The following LUZP2 variants were observed in gnomAD, a reference collection of about 807,000 sequenced individuals.
LUZP2 encodes the protein leucine zipper protein 2.
In LUZP2, 52 loss-of-function variants were observed where a neutral mutation model predicts 51.6. The ratio of observed to expected loss-of-function variants is 1.01; its 90% CI spans 0.81 to 1.27. LUZP2 has a LOEUF of 1.27. Ranked by LOEUF, LUZP2 falls within the 50% of genes most tolerant of loss-of-function variation. The probability of loss-of-function intolerance (pLI) is 0.00; values close to 1 mark genes in which losing one functional copy is unlikely to be tolerated. For missense variants in LUZP2, 436 were observed against 395.4 expected (o/e 1.10, Z -0.87); for synonymous variants, 154 against 137.3 (o/e 1.12, Z -0.85).
intron 1 of LUZP2, among the ~76,000 whole-genome samples, chr11:24,723,728 G>A (rs1159686684): frequency 6.6e-6 from 1 of 152,132 alleles, no homozygotes; most frequent in Non-Finnish European, 1.5e-5. Context: ...CTACTCGGGA[G>A]GTTGAGGTGG....
rs543240323 is a variant in LUZP2, at chr11:24,904,578, C to T, written c.397-1413C>T. On this transcript the variant is annotated intron_variant, in intron 5 of 11. Transcript: ENST00000336930. The stretch of plus-strand genomic sequence containing the variant: ...GATTACAGGCATGAGCCACCACGCC[C>T]GACCTATTTTGCCAATTTTTGATAA... Among the ~76,000 whole-genome samples the T allele has an allele frequency of 7.9e-5, 12 of 152,148 alleles. No individual in the cohort carries two copies. In the South Asian group the frequency reaches 1.5e-3, roughly 18 times the overall value.
chr11:24,709,138 A>C (rs1857725647), intron 1 of LUZP2, among the ~76,000 whole-genome samples: 1 of 152,194 alleles, frequency 6.6e-6, no homozygotes, highest in Non-Finnish European at 1.5e-5. Context: ...ATTCCTGAAC[A>C]TGTGGGAGAC....
chr11:25,068,611 G>T (rs1859063956), intron 10 of LUZP2, among the ~76,000 whole-genome samples: 1 of 151,946 alleles, frequency 6.6e-6, no homozygotes, highest in Non-Finnish European at 1.5e-5. Flanking sequence ...AACAAGTATT[G>T]TATGTAATGA....
At chr11:24,914,635 C>A in intron 7 of LUZP2, 97 bp downstream of exon 7, 1 of 864,262 alleles carries the variant, frequency 1.2e-6, no homozygotes, top group Non-Finnish European at 1.8e-6. Context: ...TGGAATTTCT[C>A]ATGAATTGGA....
At chr11:24,812,938 T>G (rs11028187) in intron 5 of LUZP2, among the ~76,000 whole-genome samples, 1,575 of 152,274 alleles carry the variant, frequency 0.01, 29 homozygotes, top group African/African-American at 0.036. Context: ...ACAACTTTCA[T>G]TTTTGCCCTG....
At chr11:24,717,202 G>A (rs1858080925) in intron 1 of LUZP2, among the ~76,000 whole-genome samples, 1 of 152,110 alleles carries the variant, frequency 6.6e-6, no homozygotes, top group African/African-American at 2.4e-5. Flanking sequence ...GCAAAGGTTA[G>A]TAGTTAAAAT....
chr11:24,740,870 G>A (rs1859111234), intron 4 of LUZP2, among the ~76,000 whole-genome samples: 1 of 152,002 alleles, frequency 6.6e-6, no homozygotes, highest in African/African-American at 2.4e-5. Context: ...CAGGTTATTT[G>A]GTGGTTATAT....
chr11:24,573,057 T>C (rs1852493145), intron 1 of LUZP2, among the ~76,000 whole-genome samples: 1 of 151,886 alleles, frequency 6.6e-6, no homozygotes, highest in South Asian at 2.1e-4. Flanking sequence ...GAGACCATGA[T>C]AGGTGGGTAA....
chr11:24,994,955 C>G (rs984000002), intron 9 of LUZP2, among the ~76,000 whole-genome samples: 1 of 152,094 alleles, frequency 6.6e-6, no homozygotes, highest in African/African-American at 2.4e-5. Context: ...GCACAATCTA[C>G]TTTGAAATTA....
intron 1 of LUZP2, among the ~76,000 whole-genome samples, chr11:24,538,594 T>G (rs1484893951): frequency 6.6e-6 from 1 of 151,628 alleles, no homozygotes; most frequent in African/African-American, 2.4e-5. Context: ...CTACAAAATT[T>G]CTACAAAACT....
chr11:24,891,939 G>A, intron 5 of LUZP2: 1 of 985,518 alleles, frequency 1.0e-6, no homozygotes, highest in Non-Finnish European at 1.2e-6. Flanking sequence ...GTGAAAAATG[G>A]CTTATTTGCT....
chr11:25,060,041 T>C (rs1858791753), intron 10 of LUZP2, among the ~76,000 whole-genome samples: 1 of 152,136 alleles, frequency 6.6e-6, no homozygotes, highest in South Asian at 2.1e-4. Flanking sequence ...TCTTCCAGCA[T>C]CTGATTGATG....
intron 7 of LUZP2, among the ~76,000 whole-genome samples, chr11:24,933,656 T>G (rs961376437): frequency 1.3e-4 from 20 of 152,134 alleles, no homozygotes; most frequent in African/African-American, 4.8e-4. Flanking sequence ...ACATAAGGCC[T>G]TTTTTTGAGA....
At chr11:24,563,578 T>G (rs1310065013) in intron 1 of LUZP2, among the ~76,000 whole-genome samples, 1 of 152,188 alleles carries the variant, frequency 6.6e-6, no homozygotes, top group Non-Finnish European at 1.5e-5. Context: ...CATCATGCTT[T>G]CTTTATTTTG....
At chr11:24,747,899 C>T (rs1859438810) in intron 4 of LUZP2, among the ~76,000 whole-genome samples, 3 of 152,096 alleles carry the variant, frequency 2.0e-5, no homozygotes, top group Admixed American at 2.0e-4. Context: ...GGTCTCACTC[C>T]CACCGTGTCC....
chr11:24,914,993 A>G (rs930868151), intron 7 of LUZP2, among the ~76,000 whole-genome samples: 4 of 152,198 alleles, frequency 2.6e-5, no homozygotes, highest in Non-Finnish European at 5.9e-5. Flanking sequence ...GTAATGCATC[A>G]ACTTTCAGAT....
intron 5 of LUZP2, among the ~76,000 whole-genome samples, chr11:24,796,104 A>C (rs996303823): frequency 2.6e-5 from 4 of 152,112 alleles, no homozygotes; most frequent in Non-Finnish European, 5.9e-5. Context: ...TGCAAATTTG[A>C]ATTTTGGACC....
At chr11:24,579,698 T>C (rs2133818796) in intron 1 of LUZP2, among the ~76,000 whole-genome samples, 1 of 151,952 alleles carries the variant, frequency 6.6e-6, no homozygotes, top group Non-Finnish European at 1.5e-5. Flanking sequence ...ATTAGGTATA[T>C]TGAGCAGTAG....
chr11:24,632,698 G>A (rs1357471968), intron 1 of LUZP2, among the ~76,000 whole-genome samples: 4 of 151,932 alleles, frequency 2.6e-5, no homozygotes, highest in African/African-American at 9.7e-5. Context: ...TAGCCTATGT[G>A]AAAAACATAA....
Sources: allele counts gnomAD v4.1 joint callset (sites outside exome capture counted in the v4.1 genomes callset), GRCh38; gene constraint gnomAD v4.1.1; transcripts MANE v1.5; gene names NCBI Gene and HGNC (gene_info 2026-07-23, HGNC 2026-07-21).